Variants in RS1 observed in about 807,000 individuals in gnomAD.
RS1 encodes retinoschisin 1.
RS1 carries 2 observed loss-of-function variants against 20.8 expected under a neutral mutation model. The ratio of observed to expected loss-of-function variants is 0.10; its 90% CI spans 0.04 to 0.30. RS1 has a LOEUF of 0.30. Ranked by LOEUF, RS1 falls within the 10% of genes least tolerant of loss-of-function variation. The probability of loss-of-function intolerance (pLI) is 1.00; values close to 1 mark genes in which losing one functional copy is unlikely to be tolerated. For missense variants in RS1, 151 were observed against 189.8 expected, an observed-to-expected ratio of 0.80 and a Z score of 1.20; for synonymous variants, 70 against 75.8, an observed-to-expected ratio of 0.92 and a Z score of 0.40.
chrX:18,648,931 C>T (rs1205169711), intron 3 of RS1, among the ~76,000 whole-genome samples: 2 of 108,847 alleles, frequency 1.8e-5, no homozygotes, highest in African/African-American at 6.7e-5. Flanking sequence ...GTCTATAGTC[C>T]CAGCTACCGG....
rs371104387 is a variant in RS1, at chrX:18,668,475, G to A, written c.52+3542C>T. Among the ~76,000 whole-genome samples, 4 of 112,991 alleles carry A rather than the reference G, an allele frequency of 3.5e-5. No homozygotes were observed. The East Asian group carries it at 8.3e-4, about 24-fold the overall frequency. ...AGCGTTCCTTCCCATGGAAACAGAT[G>A]AAGCCGAGAAGAAAAGCATAAAATT... On this transcript the variant is annotated intron_variant, in intron 1 of 5. Coordinates refer to ENST00000379984, the MANE Select transcript of RS1 (RefSeq NM_000330.4).
At chrX:18,664,714 G>T (rs145099005) in intron 1 of RS1, among the ~76,000 whole-genome samples, 1,190 of 110,291 alleles carry the variant, frequency 0.011, 16 homozygotes, top group African/African-American at 0.034. Flanking sequence ...ATTATTAGTA[G>T]TATTATTATT....
intron 3 of RS1, among the ~76,000 whole-genome samples, chrX:18,649,465 G>A (rs899577923): frequency 1.9e-4 from 21 of 111,666 alleles, no homozygotes; most frequent in South Asian, 3.8e-4. Flanking sequence ...TTGCAGAGAC[G>A]GCCATGCCCT....
At position 18,668,345 on chromosome X, in the gene RS1, G is replaced by A. The variant is rs1448562354; in HGVS notation, c.52+3672C>T. On this transcript the variant is annotated intron_variant, in intron 1 of 5. Transcript: ENST00000379984. ...GTCACAGCAGGAAATTTCAAGGCGT[G>A]TCTATTTCTTGAAATGTACCTTGCA... 8.0e-5 allele frequency among the ~76,000 whole-genome samples: 9 copies of A among 112,216 alleles called. No individual in the cohort carries two copies. The Admixed American group carries it at 8.5e-4, about 11-fold the overall frequency.
chrX:18,654,980 C>A (rs1928186437), intron 3 of RS1, among the ~76,000 whole-genome samples: 1 of 111,247 alleles, frequency 9.0e-6, no homozygotes, highest in South Asian at 3.8e-4. Context: ...AATGAAGTGG[C>A]ACAATACCAT....
intron 4 of RS1, among the ~76,000 whole-genome samples, 166 bp from the exon 5 acceptor site, chrX:18,644,791 C>T (rs1395948622): frequency 2.7e-5 from 3 of 112,343 alleles, no homozygotes; most frequent in Non-Finnish European, 5.6e-5. Flanking sequence ...GGCCAGCTTC[C>T]GTTATACTTA....
intron 1 of RS1, among the ~76,000 whole-genome samples, chrX:18,661,727 G>A (rs192204830): frequency 6.3e-5 from 7 of 111,824 alleles, no homozygotes; most frequent in Non-Finnish European, 1.1e-4. Flanking sequence ...ACCTCGTTCC[G>A]CCGGTTGATG....
intron 1 of RS1, among the ~76,000 whole-genome samples, chrX:18,671,160 C>T (rs1223612410): frequency 8.9e-6 from 1 of 111,751 alleles, no homozygotes; most frequent in Non-Finnish European, 1.9e-5. Context: ...TGTCTGTCTA[C>T]CAGGTCATTT....
At chrX:18,647,048 C>T (rs905416364) in intron 4 of RS1, 143 bp downstream of exon 4, 3 of 639,641 alleles carry the variant, frequency 4.7e-6, no homozygotes, top group Non-Finnish European at 4.9e-6. Flanking sequence ...TCCTGAGTAG[C>T]TGGGATTACA....
chrX:18,652,041 AC>A (rs1449872831), intron 3 of RS1, among the ~76,000 whole-genome samples: 1 of 107,904 alleles, frequency 9.3e-6, no homozygotes, highest in Non-Finnish European at 1.9e-5. Flanking sequence ...CACCCTTCAC[AC>A]CTGTCACGCA....
chrX:18,659,088 A>G (rs1183425246), intron 1 of RS1, among the ~76,000 whole-genome samples: 5 of 111,932 alleles, frequency 4.5e-5, no homozygotes, highest in African/African-American at 1.6e-4. Context: ...TTTAGCAGGT[A>G]AAGAGTTTGC....
intron 2 of RS1, among the ~76,000 whole-genome samples, chrX:18,657,238 T>TTTTTTTTTTTTA (rs397707718): frequency 1.0e-5 from 1 of 97,101 alleles, no homozygotes; most frequent in African/African-American, 3.8e-5. Context: ...TTTTTTTTTT[T>TTTTTTTTTTTTA]GAGACAGAGT....
At position 18,672,081 on chromosome X, in the gene RS1, C is replaced by G; in HGVS notation, c.-13G>C. ...TCTTGCGTGACATCTTCCCCTCGTC[C>G]TCGGCCAAAGCTCTACCTTACTGAA... On this transcript the variant is annotated 5_prime_UTR_variant, in exon 1 of 6. Coordinates refer to ENST00000379984, the MANE Select transcript of RS1 (RefSeq NM_000330.4). The G allele has an allele frequency of 1.7e-6, 2 of 1,207,711 alleles. No individual in the cohort carries two copies. Among genetic ancestry groups the G allele is most frequent in the Non-Finnish European group, 1.1e-6 (1 of 892,367 alleles).
At position 18,640,771 on chromosome X, in the gene RS1, C is replaced by T. The variant is rs966612203; in HGVS notation, c.*1233G>A. 6.2e-5 allele frequency: 7 copies of T among 112,429 alleles called. No homozygotes were observed. The highest frequency in any genetic ancestry group is 1.1e-4 in the Non-Finnish European group (6 of 53,204). 9.3% of individuals were successfully genotyped at this position (112,429 alleles called of 1,213,427 possible). A position where few individuals can be genotyped will look rare whatever the true frequency, so the allele number is the denominator to read the frequency against. On this transcript the variant is annotated 3_prime_UTR_variant, in exon 6 of 6. Coordinates refer to ENST00000379984, the MANE Select transcript of RS1 (RefSeq NM_000330.4). The stretch of plus-strand genomic sequence containing the variant: ...GCCAGAACAGTCTTTAGAGCAGCCT[C>T]GTCCTCTGATTCCACCACCTGCTCT...
At chrX:18,654,534 G>A (rs1928176418) in intron 3 of RS1, among the ~76,000 whole-genome samples, 1 of 112,313 alleles carries the variant, frequency 8.9e-6, no homozygotes, top group Admixed American at 9.4e-5. Context: ...CTCTAAGGTG[G>A]AGACAATGCC....
chrX:18,666,743 T>A (rs967099201), intron 1 of RS1, among the ~76,000 whole-genome samples: 1 of 110,574 alleles, frequency 9.0e-6, no homozygotes, highest in Non-Finnish European at 1.9e-5. Flanking sequence ...GGATTCTGAC[T>A]ACACTGGGGA....
Position 18,647,348 on chromosome X carries a change from GA to G in RS1, c.185-17del, listed in dbSNP as rs759171723. 1 of 1,206,297 alleles carries G rather than the reference GA, an allele frequency of 8.3e-7. No homozygotes were observed. The highest frequency in any genetic ancestry group is 1.1e-6 in the Non-Finnish European group (1 of 892,799). The stretch of plus-strand genomic sequence containing the variant: ...TATGGGCATTCTGGGAAAGGAAAAA[GA>G]ATTCACATTCACACATATCTCAATA... On this transcript the variant is annotated splice_polypyrimidine_tract_variant and intron_variant, in intron 3 of 5. Transcript: ENST00000379984.
At chrX:18,669,541 T>C (rs1427169608) in intron 1 of RS1, among the ~76,000 whole-genome samples, 1 of 105,700 alleles carries the variant, frequency 9.5e-6, no homozygotes, top group African/African-American at 3.4e-5. Context: ...CTGTGTGCTC[T>C]CCGAAATGAA....
At position 18,656,837 on chromosome X, in the gene RS1, C is replaced by G. The variant is rs751177190; in HGVS notation, c.79-79G>C. On this transcript the variant is annotated intron_variant, in intron 2 of 5. Transcript: ENST00000379984. ...GTTGCCCCCACGGAGTGATCACACT[C>G]AGTCCTTATGCATCGTCTATAGCAG... 49 of 780,981 alleles carry G rather than the reference C, an allele frequency of 6.3e-5. No individual in the cohort carries two copies. The African/African-American group carries it at 8.1e-4, about 13-fold the overall frequency. 64.4% of individuals were successfully genotyped at this position (780,981 alleles called of 1,213,427 possible). A position where few individuals can be genotyped will look rare whatever the true frequency, so the allele number is the denominator to read the frequency against.
Sources: allele counts gnomAD v4.1 joint callset (sites outside exome capture counted in the v4.1 genomes callset), GRCh38; gene constraint gnomAD v4.1.1; transcripts MANE v1.5; gene names NCBI Gene and HGNC (gene_info 2026-07-23, HGNC 2026-07-21).